Variants in KIRREL3 observed in about 807,000 individuals in gnomAD.
KIRREL3 encodes kirre like nephrin family adhesion molecule 3, also known as kin of IRRE-like protein 3.
KIRREL3 carries 36 observed loss-of-function variants against 89.7 expected under a neutral mutation model. The observed-to-expected ratio is 0.40, with a 90% confidence interval of 0.31 to 0.53. The LOEUF (loss-of-function observed/expected upper bound fraction) is 0.53, where lower values mean the gene tolerates loss of function less well. Among genes scored for constraint, KIRREL3 ranks in the 20% least tolerant of loss-of-function variants. The probability of loss-of-function intolerance (pLI) is 0.49; values close to 1 mark genes in which losing one functional copy is unlikely to be tolerated. For missense variants in KIRREL3, 864 were observed against 1,056.6 expected (o/e 0.82, Z 2.53); for synonymous variants, 445 against 441.4 (o/e 1.01, Z -0.10).
chr11:126,761,696 C>T lies in KIRREL3; in HGVS notation c.56-198784G>A, dbSNP rs757692938. On this transcript the variant is annotated intron_variant, in intron 1 of 16. Transcript: ENST00000525144. The surrounding 1 kb of genome is among the most constrained non-coding windows in gnomAD (Gnocchi z 4.4). ...TTATGGTGTAGTTTGTGTATATCAC[C>T]AGATCTTATGAAGTAGACCAGTGGG... is the stretch of plus-strand genomic sequence containing the variant. Among the ~76,000 whole-genome samples, 1 of 152,110 alleles carries T rather than the reference C, an allele frequency of 6.6e-6. No individual in the cohort carries two copies. The highest frequency in any genetic ancestry group is 2.4e-5 in the African/African-American group (1 of 41,396).
intron 1 of KIRREL3, among the ~76,000 whole-genome samples, chr11:126,616,247 G>C (rs1943343890): frequency 6.6e-6 from 1 of 151,948 alleles, no homozygotes; most frequent in Non-Finnish European, 1.5e-5. Flanking sequence ...AGAATGAATG[G>C]GAGAGGGGCT....
rs371007687 is a variant in KIRREL3 at position 126,583,864 on chromosome 11, G to A, written c.56-20952C>T. On this transcript the variant is annotated intron_variant, in intron 1 of 16. Coordinates refer to ENST00000525144, the MANE Select transcript of KIRREL3 (RefSeq NM_032531.4). ...CGGCAGGCCCGAGGCAGCCAGGTAG[G>A]GAGGCTGCCTGTGTGCAACCCGCTG... Among the ~76,000 whole-genome samples the A allele has an allele frequency of 7.2e-4, 110 of 152,342 alleles. 2 individuals carry two copies. The East Asian group carries it at 0.018, about 24-fold the overall frequency.
intron 6 of KIRREL3, among the ~76,000 whole-genome samples, chr11:126,458,415 ACAGTCATG>A (rs1269368014): frequency 1.7e-5 from 2 of 117,946 alleles, no homozygotes; most frequent in East Asian, 6.9e-4. Flanking sequence ...AGAGAGTCAT[ACAGTCATG>A]CACTCAGCCT....
At position 126,638,930 on chromosome 11, in the gene KIRREL3, G is replaced by A. The variant is rs1944367019; in HGVS notation, c.56-76018C>T. On this transcript the variant is annotated intron_variant, in intron 1 of 16. Transcript: ENST00000525144. ...TTACCTATTTCCTTTTCTAGATGAT[G>A]TAAGCTCTGTTTTGCTTACCACTGC... 4.6e-5 allele frequency among the ~76,000 whole-genome samples: 7 copies of A among 152,294 alleles called. No individual in the cohort carries two copies. The South Asian group carries it at 1.5e-3, about 32-fold the overall frequency.
In KIRREL3 at chr11:126,601,453, A is replaced by G. The variant is rs1023732536; in HGVS notation, c.56-38541T>C. 3.3e-5 allele frequency among the ~76,000 whole-genome samples: 5 copies of G among 152,090 alleles called. No individual in the cohort carries two copies. The highest frequency in any genetic ancestry group is 2.6e-4 in the Admixed American group (4 of 15,266). ...AGAAAAGCAATTTGTTTGCTCTCAT[A>G]CTCTAAAGATGAACTTCCCGTGCTC... On this transcript the variant is annotated intron_variant, in intron 1 of 16. Coordinates refer to ENST00000525144, the MANE Select transcript of KIRREL3 (RefSeq NM_032531.4). This position sits in a 1 kb window ranked among gnomAD's most constrained non-coding sequence, Gnocchi z 5.8.
rs543856242 is a variant in KIRREL3 at position 126,993,162 on chromosome 11, A to AT, written c.55+7292dup. Among the ~76,000 whole-genome samples the AT allele has an allele frequency of 3.6e-4, 55 of 152,270 alleles. No homozygotes were observed. Among genetic ancestry groups the AT allele is most frequent in the Admixed American group, 9.8e-4 (15 of 15,292 alleles). On this transcript the variant is annotated intron_variant, in intron 1 of 16. Coordinates refer to ENST00000525144, the MANE Select transcript of KIRREL3 (RefSeq NM_032531.4). This position sits in a 1 kb window ranked among gnomAD's most constrained non-coding sequence, Gnocchi z 6.1. ...TAACATGTTGATCCCTAAACCCGTG[A>AT]TGTAGAGAGGACCACAAACCCATAG...
chr11:126,863,452 T>C (rs1342150093), intron 1 of KIRREL3, among the ~76,000 whole-genome samples: 1 of 84,890 alleles, frequency 1.2e-5, no homozygotes, highest in Non-Finnish European at 2.3e-5. Flanking sequence ...TGAGTGTGTG[T>C]GTTTGAGTGC....
At chr11:126,699,330 C>G (rs1366291808) in intron 1 of KIRREL3, among the ~76,000 whole-genome samples, 11 of 152,196 alleles carry the variant, frequency 7.2e-5, no homozygotes, top group African/African-American at 2.7e-4. Flanking sequence ...AGAGTTGACT[C>G]ACATCACAAT....
rs1198324249 is a variant in KIRREL3, at chr11:126,841,438, T to C, written c.55+159017A>G. On this transcript the variant is annotated intron_variant, in intron 1 of 16. Coordinates refer to ENST00000525144, the MANE Select transcript of KIRREL3 (RefSeq NM_032531.4). The stretch of plus-strand genomic sequence containing the variant: ...CACAATGCCAGGCATGTAGAAGGCG[T>C]TCAAAAATAAATCCCTCCTAAAAAA... 2.6e-5 allele frequency among the ~76,000 whole-genome samples: 4 copies of C among 152,214 alleles called. No homozygotes were observed. In the East Asian group the frequency reaches 7.7e-4, roughly 29 times the overall value.
chr11:126,845,111 C>T (rs1359602429), intron 1 of KIRREL3, among the ~76,000 whole-genome samples: 2 of 152,136 alleles, frequency 1.3e-5, no homozygotes, highest in Non-Finnish European at 2.9e-5. Context: ...CAAGTTTGGG[C>T]CTTACAAGTT....
intron 4 of KIRREL3, among the ~76,000 whole-genome samples, chr11:126,479,728 C>T (rs1173169920): frequency 7.9e-5 from 12 of 152,178 alleles, no homozygotes; most frequent in Admixed American, 4.6e-4. Context: ...CCCCCGGGGC[C>T]GGCCAGAGAA....
Position 126,641,600 on chromosome 11 carries a change from A to T in KIRREL3, c.56-78688T>A, listed in dbSNP as rs1461042465. 1.3e-5 allele frequency among the ~76,000 whole-genome samples: 2 copies of T among 152,038 alleles called. No individual in the cohort carries two copies. The highest frequency in any genetic ancestry group is 2.9e-5 in the Non-Finnish European group (2 of 68,010). ...CCATTTACAGGTCGCAGACATTTAC[A>T]ACACCAGCCTCCTGGCTTCTTATGG... On this transcript the variant is annotated intron_variant, in intron 1 of 16. Transcript: ENST00000525144. The surrounding 1 kb of genome is among the most constrained non-coding windows in gnomAD (Gnocchi z 5.0).
chr11:126,724,278 A>AT lies in KIRREL3; in HGVS notation c.56-161367dup, dbSNP rs1424996267. ...ATTCCTGTCTCCTGCAGGTTGGTTCATTTTCTTTCAAACACCTGTGCTGTA... is the reference window on the plus strand; with the variant it reads ...ATTCCTGTCTCCTGCAGGTTGGTTCATTTTTCTTTCAAACACCTGTGCTGTA... On this transcript the variant is annotated intron_variant, in intron 1 of 16. Transcript: ENST00000525144. This position sits in a 1 kb window ranked among gnomAD's most constrained non-coding sequence, Gnocchi z 4.3. Among the ~76,000 whole-genome samples, 2 of 152,102 alleles carry AT rather than the reference A, an allele frequency of 1.3e-5. No individual in the cohort carries two copies. Among genetic ancestry groups the AT allele is most frequent in the African/African-American group, 4.8e-5 (2 of 41,422 alleles).
In KIRREL3 at chr11:126,877,298, G is replaced by A. The variant is rs76195887; in HGVS notation, c.55+123157C>T. Among the ~76,000 whole-genome samples, 4,946 of 152,270 alleles carry A rather than the reference G, an allele frequency of 0.032. 244 individuals are homozygous for A. Among genetic ancestry groups the A allele is most frequent in the African/African-American group, 0.11 (4,629 of 41,536 alleles). ...AACTGGGCTCAGATAGCAAAAGAGC[G>A]TTCTATATATACATGCATTTTCAAA... On this transcript the variant is annotated intron_variant, in intron 1 of 16. Coordinates refer to ENST00000525144, the MANE Select transcript of KIRREL3 (RefSeq NM_032531.4). The surrounding 1 kb of genome is among the most constrained non-coding windows in gnomAD (Gnocchi z 4.9).
chr11:126,790,748 C>T (rs962806425), intron 1 of KIRREL3, among the ~76,000 whole-genome samples: 7 of 151,986 alleles, frequency 4.6e-5, no homozygotes, highest in African/African-American at 7.2e-5. Context: ...AAGAGCCTTG[C>T]TGTGCTGGGA....
intron 1 of KIRREL3, among the ~76,000 whole-genome samples, chr11:126,586,129 G>C (rs1302480879): frequency 6.6e-6 from 1 of 152,166 alleles, no homozygotes; most frequent in Non-Finnish European, 1.5e-5. Flanking sequence ...TCAGATGATG[G>C]GAGGTGAGGA....
chr11:126,595,212 G>A (rs774657157), intron 1 of KIRREL3, among the ~76,000 whole-genome samples: 11 of 152,258 alleles, frequency 7.2e-5, no homozygotes, highest in Non-Finnish European at 1.3e-4. Context: ...TGAAGAGGGT[G>A]GATGTCCACT....
chr11:126,733,492 C>T (rs1278108485), intron 1 of KIRREL3, among the ~76,000 whole-genome samples: 3 of 152,016 alleles, frequency 2.0e-5, no homozygotes, highest in Admixed American at 1.3e-4. Context: ...CCTTCTTTCT[C>T]TGAGCTGTCA....
At chr11:126,799,654 G>A (rs1344653438) in intron 1 of KIRREL3, among the ~76,000 whole-genome samples, 3 of 152,110 alleles carry the variant, frequency 2.0e-5, no homozygotes, top group Non-Finnish European at 4.4e-5. Flanking sequence ...TTAGAGCAGG[G>A]AGCCAGGAGG....
Sources: allele counts gnomAD v4.1 joint callset (sites outside exome capture counted in the v4.1 genomes callset), GRCh38; gene constraint gnomAD v4.1.1; non-coding constraint Gnocchi (gnomAD v3.1); transcripts MANE v1.5; gene names NCBI Gene and HGNC (gene_info 2026-07-23, HGNC 2026-07-21).